RERG: variants seen among roughly 807,000 people sequenced by gnomAD.
The protein encoded by RERG is ras-related and estrogen-regulated growth inhibitor.
Under a neutral mutation model 23.2 loss-of-function variants are expected in RERG, and 25 were observed. The observed-to-expected ratio is 1.08, with a 90% CI of 0.79 to 1.50. The LOEUF is 1.50. RERG is among the 40% of genes most tolerant of loss of function. The pLI, the probability that RERG is intolerant of heterozygous loss-of-function variation, is 0.00. For missense variants in RERG, 253 were observed against 250.1 expected (o/e 1.01, Z -0.08); for synonymous variants, 81 against 89.1 (o/e 0.91, Z 0.51).
rs144015358 is a variant in RERG at position 15,216,662 on chromosome 12, T to C, written c.61+767A>G. ...CCAGTAAGAGACTAAGGCAAGAGGTTACCCTGAAAGGTCATGCTGCCCTAA... is the reference window on the plus strand; with the variant it reads ...CCAGTAAGAGACTAAGGCAAGAGGTCACCCTGAAAGGTCATGCTGCCCTAA... On this transcript the variant is annotated intron_variant, in intron 2 of 4. Transcript: ENST00000256953. Among the ~76,000 whole-genome samples, 872 of 152,342 alleles carry C rather than the reference T, an allele frequency of 5.7e-3. 11 individuals carry two copies. Among genetic ancestry groups the C allele is most frequent in the African/African-American group, 0.02 (835 of 41,584 alleles).
chr12:15,126,593 A>G (rs1448507478), intron 2 of RERG, among the ~76,000 whole-genome samples: 1 of 152,164 alleles, frequency 6.6e-6, no homozygotes, highest in Non-Finnish European at 1.5e-5. Context: ...AAAAGCCCAA[A>G]TAAACTAATA....
At chr12:15,209,805 A>G (rs1865342818) in intron 2 of RERG, among the ~76,000 whole-genome samples, 1 of 152,228 alleles carries the variant, frequency 6.6e-6, no homozygotes. Context: ...ACAAAATGAA[A>G]ACCTTTGATA....
intron 3 of RERG, among the ~76,000 whole-genome samples, chr12:15,112,749 C>T (rs760640009): frequency 5.9e-5 from 9 of 151,952 alleles, no homozygotes; most frequent in Non-Finnish European, 8.8e-5. Context: ...GATAATAGAA[C>T]AAGAAATCTT....
chr12:15,200,368 A>G (rs1209000992), intron 2 of RERG, among the ~76,000 whole-genome samples: 1 of 152,006 alleles, frequency 6.6e-6, no homozygotes, highest in African/African-American at 2.4e-5. Context: ...TCATTCATCC[A>G]AAAAGCACCA....
In RERG at chr12:15,108,208, C is replaced by G. The variant is rs1172823473; in HGVS notation, c.*902G>C. On this transcript the variant is annotated 3_prime_UTR_variant, in exon 5 of 5. Transcript: ENST00000256953. Reference sequence around the variant, plus strand: ...CTAATTTTTCTTACTGTACCTGGCTCAAAGTCTAGACTTCCCAATGGAGGC... The same window carrying G: ...CTAATTTTTCTTACTGTACCTGGCTGAAAGTCTAGACTTCCCAATGGAGGC... 1 of 152,188 alleles carries G rather than the reference C, an allele frequency of 6.6e-6. No individual in the cohort carries two copies. Among genetic ancestry groups the G allele is most frequent in the African/African-American group, 2.4e-5 (1 of 41,454 alleles). The allele number at this position is 152,188 out of a possible 1,614,324, so 9.4% of individuals were successfully genotyped here.
intron 2 of RERG, among the ~76,000 whole-genome samples, chr12:15,216,731 G>A (rs17835113): frequency 0.25 from 38,021 of 152,082 alleles, 5,358 homozygotes; most frequent in Non-Finnish European, 0.33. Flanking sequence ...TTATAAGATC[G>A]AAGATGTATT....
intron 2 of RERG, among the ~76,000 whole-genome samples, chr12:15,127,386 T>A (rs1187285650): frequency 6.6e-6 from 1 of 152,242 alleles, no homozygotes; most frequent in Non-Finnish European, 1.5e-5. Flanking sequence ...TATGTTTTTG[T>A]TACTTGAAAG....
At chr12:15,171,917 A>G (rs1252115091) in intron 2 of RERG, among the ~76,000 whole-genome samples, 1 of 152,186 alleles carries the variant, frequency 6.6e-6, no homozygotes, top group Non-Finnish European at 1.5e-5. Flanking sequence ...AACATGTGTT[A>G]AGACCTAACA....
Position 15,123,186 on chromosome 12 carries a change from C to T in RERG, c.62-2067G>A, listed in dbSNP as rs143953438. Among the ~76,000 whole-genome samples the T allele has an allele frequency of 7.1e-4, 108 of 152,142 alleles. 2 individuals carry two copies. Among genetic ancestry groups the T allele is most frequent in the African/African-American group, 2.3e-3 (97 of 41,514 alleles). ...AAATGAGCTTAATTTTTTACATGAG[C>T]GAAGTTTACAGTTCTTCAATTCCAA... is the stretch of plus-strand genomic sequence containing the variant. On this transcript the variant is annotated intron_variant, in intron 2 of 4. Transcript: ENST00000256953.
chr12:15,109,978 GTTTGT>G (rs978439570), intron 4 of RERG, among the ~76,000 whole-genome samples: 2 of 152,140 alleles, frequency 1.3e-5, no homozygotes, highest in South Asian at 2.1e-4. Flanking sequence ...TTGGTTTGTT[GTTTGT>G]TTTAATTTTC....
rs756659648 is a variant in RERG, at chr12:15,109,269, G to T, written c.441C>A (p.Cys147Ter). 2.5e-6 allele frequency: 4 copies of T among 1,614,150 alleles called. No individual in the cohort carries two copies. Among genetic ancestry groups the T allele is most frequent in the Non-Finnish European group, 3.4e-6 (4 of 1,180,020 alleles). The change falls in exon 5 of 5, where the codon TGC (cysteine) becomes TGA (stop). Residue 147 changes from cysteine to a stop codon, truncating the protein, a stop_gained. Coordinates refer to ENST00000256953, the MANE Select transcript of RERG (RefSeq NM_032918.3). LOFTEE classifies it high-confidence loss of function. ...TGTTCCCTTCTCCAGTGCAGGCAGA[G>T]CACTCGTAAAAAGCACAAGCCAATT... ...ATELACAFYE[C>*]SACTGEGNIT...
intron 2 of RERG, among the ~76,000 whole-genome samples, chr12:15,170,405 G>A (rs1427382424): frequency 6.6e-5 from 10 of 152,150 alleles, no homozygotes; most frequent in South Asian, 2.1e-4. Context: ...GCCCAGTTTA[G>A]CCCTGAACCT....
intron 2 of RERG, among the ~76,000 whole-genome samples, chr12:15,156,913 C>T (rs1591651534): frequency 6.6e-6 from 1 of 152,166 alleles, no homozygotes; most frequent in Admixed American, 6.6e-5. Flanking sequence ...TAGTGCCTAT[C>T]TCATAGAGAT....
intron 3 of RERG, among the ~76,000 whole-genome samples, chr12:15,118,045 AT>A (rs146662623): frequency 6.6e-6 from 1 of 151,916 alleles, no homozygotes; most frequent in Non-Finnish European, 1.5e-5. Flanking sequence ...TAAGGAACTG[AT>A]TTTTTTTACA....
chr12:15,147,252 A>G (rs978143506), intron 2 of RERG, among the ~76,000 whole-genome samples: 1 of 152,242 alleles, frequency 6.6e-6, no homozygotes, highest in East Asian at 1.9e-4. Context: ...ATGACCTTAC[A>G]TTAATATTAG....
intron 3 of RERG, among the ~76,000 whole-genome samples, chr12:15,113,912 A>G (rs1396444148): frequency 6.6e-6 from 1 of 152,036 alleles, no homozygotes; most frequent in African/African-American, 2.4e-5. Context: ...CATTACTCCA[A>G]ACAGTGTGGT....
In RERG at chr12:15,212,099, CCGGACTG is replaced by C. The variant is rs561908735; in HGVS notation, c.61+5323_61+5329del. Among the ~76,000 whole-genome samples, 999 of 131,800 alleles carry C rather than the reference CCGGACTG, an allele frequency of 7.6e-3. 8 individuals are homozygous for C. Among genetic ancestry groups the C allele is most frequent in the Non-Finnish European group, 0.013 (789 of 63,116 alleles). The allele number at this position is 131,800 out of a possible 152,430, so 86.5% of individuals were successfully genotyped here. On this transcript the variant is annotated intron_variant, in intron 2 of 4. Coordinates refer to ENST00000256953, the MANE Select transcript of RERG (RefSeq NM_032918.3). Reference sequence around the variant, plus strand: ...ACGGAGTCTCGCTCTGTCGCCCAGGCCGGACTGCGGACTGCAGTGGCGGAATCTCGGC... The same window carrying C: ...ACGGAGTCTCGCTCTGTCGCCCAGGCCGGACTGCAGTGGCGGAATCTCGGC...
At position 15,108,372 on chromosome 12, in the gene RERG, A is replaced by G. The variant is rs968003429; in HGVS notation, c.*738T>C. 1 of 152,460 alleles carries G rather than the reference A, an allele frequency of 6.6e-6. No homozygotes were observed. The highest frequency in any genetic ancestry group is 2.4e-5 in the African/African-American group (1 of 41,418). The allele number at this position is 152,460 out of a possible 1,614,324, so 9.4% of individuals were successfully genotyped here. A position where few individuals can be genotyped will look rare whatever the true frequency, so the allele number is the denominator to read the frequency against. On this transcript the variant is annotated 3_prime_UTR_variant, in exon 5 of 5. Coordinates refer to ENST00000256953, the MANE Select transcript of RERG (RefSeq NM_032918.3). The stretch of plus-strand genomic sequence containing the variant: ...TCAGGGTTTGGTGAAAAGACTTCCA[A>G]TGTTTTTATATCACCCTGACTTGAT...
chr12:15,184,038 A>G (rs1174882944), intron 2 of RERG, among the ~76,000 whole-genome samples: 2 of 152,032 alleles, frequency 1.3e-5, no homozygotes, highest in Non-Finnish European at 2.9e-5. Flanking sequence ...CATCCCTGTC[A>G]CTCTCCAGGA....
Sources: gnomAD v4.1 joint callset for allele counts (sites outside exome capture counted in the v4.1 genomes callset) on GRCh38, gnomAD v4.1.1 for gene constraint, MANE v1.5 for transcripts, NCBI Gene and HGNC (gene_info 2026-07-23, HGNC 2026-07-21) for gene names.